TASP1: variants seen among roughly 807,000 people sequenced by gnomAD.
TASP1 encodes threonine aspartase 1.
In TASP1, 16 loss-of-function variants were observed where a neutral mutation model predicts 56.6. That is an observed-to-expected ratio of 0.28 (90% CI 0.19 to 0.43). The LOEUF is 0.43. Among genes scored for constraint, TASP1 ranks in the 20% least tolerant of loss-of-function variants. The probability of loss-of-function intolerance (pLI) is 1.00; values close to 1 mark genes in which losing one functional copy is unlikely to be tolerated. For synonymous variants in TASP1, 179 were observed against 184.2 expected (o/e 0.97, Z 0.23); for missense variants, 393 against 511.6 (o/e 0.77, Z 2.24).
chr20:13,576,145 C>T (rs548007153), intron 6 of TASP1, among the ~76,000 whole-genome samples: 136 of 134,534 alleles, frequency 1.0e-3, no homozygotes, highest in African/African-American at 3.7e-3. Context: ...GAGACTGCAG[C>T]GAGCCGAGAT....
the TASP1 span, among the ~76,000 whole-genome samples, chr20:13,267,016 C>T: frequency 6.6e-6 from 1 of 152,138 alleles, no homozygotes; most frequent in African/African-American, 2.4e-5. Context: ...TTGTCTCCTA[C>T]CCTAGATTTA....
At chr20:13,221,641 G>A in the TASP1 span, 8 of 680,000 alleles carry the variant, frequency 1.2e-5, no homozygotes, top group African/African-American at 1.4e-4. Flanking sequence ...CCGCGGGCCC[G>A]GGAAGCGGAG....
chr20:13,115,965 A>G, the TASP1 span, among the ~76,000 whole-genome samples: 2 of 152,198 alleles, frequency 1.3e-5, no homozygotes, highest in African/African-American at 2.4e-5. Context: ...CCTCAATGGA[A>G]ACAATTTTAA....
chr20:13,363,350 T>C, the TASP1 span, among the ~76,000 whole-genome samples: 1 of 152,130 alleles, frequency 6.6e-6, no homozygotes, highest in Non-Finnish European at 1.5e-5. Flanking sequence ...AAGCTTCCAG[T>C]GGGGTCAATT....
intron 13 of TASP1, chr20:13,393,347 C>G (rs1466110975): frequency 4.0e-6 from 3 of 750,034 alleles, no homozygotes; most frequent in Non-Finnish European, 7.3e-6. Context: ...CCGAGCTGAA[C>G]AGGAAGCTCA....
Position 13,390,233 on chromosome 20 carries a change from G to C in TASP1, c.*127C>G, listed in dbSNP as rs548640880. Reference sequence around the variant, plus strand: ...CTAACTACAGCAGCACTTGTGTCTCGAGCAGTGCACGAGGTTGCAATAGGA... The same window carrying C: ...CTAACTACAGCAGCACTTGTGTCTCCAGCAGTGCACGAGGTTGCAATAGGA... On this transcript the variant is annotated 3_prime_UTR_variant, in exon 14 of 14. Coordinates refer to ENST00000337743, the MANE Select transcript of TASP1 (RefSeq NM_017714.3). 4 of 812,614 alleles carry C rather than the reference G, an allele frequency of 4.9e-6. No individual in the cohort carries two copies. The highest frequency in any genetic ancestry group is 7.8e-6 in the Non-Finnish European group (4 of 512,688). The allele number at this position is 812,614 out of a possible 1,614,324, so 50.3% of individuals were successfully genotyped here.
chr20:13,278,021 C>G, the TASP1 span, among the ~76,000 whole-genome samples: 2 of 152,196 alleles, frequency 1.3e-5, no homozygotes, highest in African/African-American at 2.4e-5. Flanking sequence ...GCAACTCTAT[C>G]AGATGTCAGG....
intron 10 of TASP1, among the ~76,000 whole-genome samples, chr20:13,521,055 G>A (rs543752876): frequency 1.8e-3 from 270 of 152,108 alleles, no homozygotes; most frequent in African/African-American, 6.3e-3. Flanking sequence ...AGAGAAATAC[G>A]TATCAAAACC....
chr20:13,198,819 TTTCTTTCTTTC>T, the TASP1 span, among the ~76,000 whole-genome samples: 1 of 142,598 alleles, frequency 7.0e-6, no homozygotes, highest in Admixed American at 7.1e-5. Flanking sequence ...TCTTTCTTTC[TTTCTTTCTTTC>T]TTTCTTTCTT....
rs546097256 is a variant in TASP1, at chr20:13,411,633, C to A, written c.1170+5815G>T. Among the ~76,000 whole-genome samples the A allele has an allele frequency of 2.0e-5, 3 of 152,248 alleles. 1 individual carries two copies. In the East Asian group the frequency reaches 5.8e-4, roughly 29 times the overall value. ...TAATTTTTACGTGTTGATTTTGTAT[C>A]CTGGATCAGGAATTTCCCTTAAGCA... is the stretch of plus-strand genomic sequence containing the variant. On this transcript the variant is annotated intron_variant, in intron 13 of 13. Coordinates refer to ENST00000337743, the MANE Select transcript of TASP1 (RefSeq NM_017714.3).
At chr20:13,195,516 CT>C in the TASP1 span, among the ~76,000 whole-genome samples, 3 of 152,170 alleles carry the variant, frequency 2.0e-5, no homozygotes, top group Non-Finnish European at 4.4e-5. Flanking sequence ...TGGGATCATT[CT>C]GGCGTGTTTT....
chr20:13,385,121 T>G (rs1308839511), downstream of TASP1, among the ~76,000 whole-genome samples: 1 of 152,208 alleles, frequency 6.6e-6, no homozygotes, highest in African/African-American at 2.4e-5. Context: ...TGGAAATGGG[T>G]GTTGTGTGAG....
the TASP1 span, among the ~76,000 whole-genome samples, chr20:13,150,113 A>G: frequency 6.6e-6 from 1 of 152,164 alleles, no homozygotes; most frequent in Non-Finnish European, 1.5e-5. Context: ...TCACCTTTAA[A>G]ATAATCCTTA....
At chr20:13,132,062 A>C in the TASP1 span, among the ~76,000 whole-genome samples, 40 of 149,320 alleles carry the variant, frequency 2.7e-4, 1 homozygote, top group Non-Finnish European at 5.9e-5. Flanking sequence ...GGCATAGCCC[A>C]CTCCCTCCCT....
chr20:13,126,038 T>C, the TASP1 span, among the ~76,000 whole-genome samples: 23 of 152,158 alleles, frequency 1.5e-4, no homozygotes, highest in Admixed American at 1.5e-3. Flanking sequence ...TTTTCCCCCT[T>C]AATTATCTTC....
At chr20:13,291,812 A>C in the TASP1 span, among the ~76,000 whole-genome samples, 1 of 152,208 alleles carries the variant, frequency 6.6e-6, no homozygotes, top group African/African-American at 2.4e-5. Flanking sequence ...CAAATATTCA[A>C]GGGAAAACTA....
At chr20:13,456,500 A>G (rs561199089) in intron 11 of TASP1, among the ~76,000 whole-genome samples, 4 of 152,142 alleles carry the variant, frequency 2.6e-5, no homozygotes, top group Non-Finnish European at 5.9e-5. Flanking sequence ...TTATTCTTCA[A>G]TTAATGATGT....
At chr20:13,414,464 A>C (rs1252441113) in intron 13 of TASP1, among the ~76,000 whole-genome samples, 3 of 152,180 alleles carry the variant, frequency 2.0e-5, no homozygotes, top group Non-Finnish European at 2.9e-5. Flanking sequence ...GAGACACTTA[A>C]AGACTATAAA....
chr20:13,437,555 G>A (rs144238627), intron 11 of TASP1, among the ~76,000 whole-genome samples: 1 of 152,184 alleles, frequency 6.6e-6, no homozygotes, highest in African/African-American at 2.4e-5. Context: ...ATTACGAAAA[G>A]AGGAAATCAA....
Sources: allele counts gnomAD v4.1 joint callset (sites outside exome capture counted in the v4.1 genomes callset), GRCh38; gene constraint gnomAD v4.1.1; transcripts MANE v1.5; gene names NCBI Gene and HGNC (gene_info 2026-07-23, HGNC 2026-07-21).